The following PCSK5 variants were observed in gnomAD, a reference collection of about 807,000 sequenced individuals.
PCSK5 encodes prohormone convertase 5.
In PCSK5, 129 loss-of-function variants were observed where a neutral mutation model predicts 233.2. The ratio of observed to expected loss-of-function variants is 0.55; its 90% CI spans 0.48 to 0.64. The LOEUF (loss-of-function observed/expected upper bound fraction) is 0.64. Ranked by LOEUF, PCSK5 falls within the 30% of genes least tolerant of loss-of-function variation. The pLI, the probability that PCSK5 is intolerant of heterozygous loss-of-function variation, is 0.00. For synonymous variants in PCSK5, 825 were observed against 879.2 expected (o/e 0.94, Z 1.09); for missense variants, 2,076 against 2,430.1 (o/e 0.85, Z 3.06).
intron 6 of PCSK5, 44 bp downstream of exon 6, chr9:76,068,087 G>A: frequency 2.2e-6 from 3 of 1,357,788 alleles, no homozygotes; most frequent in Non-Finnish European, 3.2e-6. Flanking sequence ...GCGCCAGTTA[G>A]CTCTTTGGCT....
chr9:76,030,669 A>C (rs920511789), intron 5 of PCSK5, among the ~76,000 whole-genome samples: 1 of 152,198 alleles, frequency 6.6e-6, no homozygotes, highest in East Asian at 1.9e-4. Context: ...AAATAAGCCA[A>C]ATATGTGTTG....
intron 1 of PCSK5, among the ~76,000 whole-genome samples, chr9:75,931,730 G>A (rs550073708): frequency 9.9e-5 from 15 of 152,194 alleles, no homozygotes; most frequent in Non-Finnish European, 1.8e-4. Context: ...TTAGAGAAAC[G>A]GATAAGATAA....
intron 24 of PCSK5, among the ~76,000 whole-genome samples, chr9:76,243,764 A>G (rs1338625787): frequency 1.6e-5 from 2 of 124,100 alleles, no homozygotes; most frequent in African/African-American, 6.3e-5. Flanking sequence ...GACATAATAA[A>G]TATGAATTAA....
At chr9:76,253,914 G>GAT (rs1826896691) in intron 24 of PCSK5, among the ~76,000 whole-genome samples, 1 of 152,024 alleles carries the variant, frequency 6.6e-6, no homozygotes. Context: ...TAAACACTAG[G>GAT]ATACACAGGG....
intron 9 of PCSK5, 92 bp downstream of exon 9, chr9:76,107,443 C>T: frequency 1.5e-6 from 1 of 660,196 alleles, no homozygotes; most frequent in South Asian, 2.4e-5. Context: ...CCTAGCATGA[C>T]AACCTAGAAT....
At chr9:76,187,297 A>G (rs983143358) in intron 17 of PCSK5, among the ~76,000 whole-genome samples, 2 of 152,180 alleles carry the variant, frequency 1.3e-5, no homozygotes, top group Admixed American at 6.5e-5. Context: ...TTGGTAGCAT[A>G]GGATTACATT....
At chr9:75,891,938 A>G (rs1587317640) in intron 1 of PCSK5, among the ~76,000 whole-genome samples, 1 of 148,338 alleles carries the variant, frequency 6.7e-6, no homozygotes, top group Admixed American at 6.7e-5. Flanking sequence ...AAGGAGGGGG[A>G]GGGAAGAGGG....
chr9:76,160,068 G>A (rs540777327), intron 12 of PCSK5, among the ~76,000 whole-genome samples: 10 of 152,020 alleles, frequency 6.6e-5, no homozygotes, highest in South Asian at 4.2e-4. Flanking sequence ...TGATCCATCC[G>A]CCTCGGCCTC....
intron 22 of PCSK5, among the ~76,000 whole-genome samples, chr9:76,237,561 A>C (rs534307686): frequency 6.6e-6 from 1 of 152,034 alleles, no homozygotes; most frequent in East Asian, 1.9e-4. Flanking sequence ...TGAGTCCAGG[A>C]GTTCAAGACC....
intron 2 of PCSK5, among the ~76,000 whole-genome samples, chr9:75,978,300 T>G (rs1396291925): frequency 6.6e-6 from 1 of 152,236 alleles, no homozygotes; most frequent in Non-Finnish European, 1.5e-5. Context: ...ACCTAGTTTC[T>G]TTTGCCCCAA....
chr9:76,345,564 G>A (rs1356402404), intron 35 of PCSK5, among the ~76,000 whole-genome samples: 5 of 151,988 alleles, frequency 3.3e-5, no homozygotes, highest in East Asian at 1.9e-4. Context: ...GACTACAGGC[G>A]CCTGCTGCCA....
chr9:76,132,355 T>C (rs576104853), intron 9 of PCSK5, among the ~76,000 whole-genome samples: 40 of 152,274 alleles, frequency 2.6e-4, no homozygotes, highest in African/African-American at 9.6e-4. Flanking sequence ...TAACAAGTGC[T>C]GTATCCTAAG....
chr9:76,351,529 A>AAAGAAAGAAAGAAAGAAAGAAAGG (rs1554724839), intron 36 of PCSK5, among the ~76,000 whole-genome samples: 1 of 108,706 alleles, frequency 9.2e-6, no homozygotes, highest in African/African-American at 3.2e-5. Flanking sequence ...AGAAAGAAAG[A>AAAGAAAGAAAGAAAGAAAGAAAGG]AAGGAAGGAA....
rs527891724 is a variant in PCSK5, at chr9:75,897,978, G to A, written c.192+6605G>A. On this transcript the variant is annotated intron_variant, in intron 1 of 37. Coordinates refer to ENST00000674117, the MANE Select transcript of PCSK5 (RefSeq NM_001372043.1). ...AAAACTAACAAACAAGCAGATAAGC[G>A]TACTGGGAATTTGTTAGTTTAAACA... 6.6e-5 allele frequency among the ~76,000 whole-genome samples: 10 copies of A among 152,210 alleles called. No homozygotes were observed. In the South Asian group the frequency reaches 8.3e-4, roughly 13 times the overall value.
At chr9:76,010,787 A>G (rs1391824198) in intron 3 of PCSK5, among the ~76,000 whole-genome samples, 6 of 152,202 alleles carry the variant, frequency 3.9e-5, no homozygotes, top group Admixed American at 6.5e-5. Flanking sequence ...ATGTTCTAAA[A>G]TATGTATGTG....
chr9:76,216,508 C>T (rs949883832), intron 20 of PCSK5, among the ~76,000 whole-genome samples: 8 of 152,170 alleles, frequency 5.3e-5, no homozygotes, highest in Admixed American at 3.9e-4. Context: ...TATTATATTA[C>T]TCTCAAGAGC....
At chr9:76,128,090 G>T (rs10124956) in intron 9 of PCSK5, among the ~76,000 whole-genome samples, 71,518 of 151,998 alleles carry the variant, frequency 0.47, 17,224 homozygotes, top group Admixed American at 0.52. Context: ...TAGTCTGTGG[G>T]CCTAGAACTG....
At chr9:76,037,156 G>A (rs1291408256) in intron 5 of PCSK5, among the ~76,000 whole-genome samples, 1 of 152,176 alleles carries the variant, frequency 6.6e-6, no homozygotes, top group Non-Finnish European at 1.5e-5. Flanking sequence ...TCAGAGCTTG[G>A]AATAGCAAGG....
chr9:76,164,395 A>G (rs1478098231), intron 12 of PCSK5, among the ~76,000 whole-genome samples: 1 of 152,242 alleles, frequency 6.6e-6, no homozygotes, highest in African/African-American at 2.4e-5. Flanking sequence ...GTAATAGTAT[A>G]TACCTCACAG....
Sources: allele counts gnomAD v4.1 joint callset (sites outside exome capture counted in the v4.1 genomes callset), GRCh38; gene constraint gnomAD v4.1.1; transcripts MANE v1.5; gene names NCBI Gene and HGNC (gene_info 2026-07-23, HGNC 2026-07-21).